Variants in APPL2 observed in about 807,000 individuals in gnomAD.
APPL2 encodes DCC-interacting protein 13-beta.
APPL2 carries 84 observed loss-of-function variants against 92.7 expected under a neutral mutation model. That is an observed-to-expected ratio of 0.91 (90% CI 0.76 to 1.09). The LOEUF (loss-of-function observed/expected upper bound fraction) is 1.09, where lower values mean the gene tolerates loss of function less well. APPL2 is among the 50% of genes least tolerant of loss of function. The pLI is 0.00. For synonymous variants in APPL2, 291 were observed against 291.0 expected, an observed-to-expected ratio of 1.00 and a Z score of 0.00; for missense variants, 736 against 824.5, an observed-to-expected ratio of 0.89 and a Z score of 1.31.
rs189049415 is a variant in APPL2, at chr12:105,184,897, G to A, written c.1634+3376C>T. On this transcript the variant is annotated intron_variant, in intron 17 of 20. Coordinates refer to ENST00000258530, the MANE Select transcript of APPL2 (RefSeq NM_018171.5). Reference sequence around the variant, plus strand: ...GGTGCTCTGTCCCAGGGAGATGGGAGTTTGATCTGTAAGCCCCTGACTGGG... The same window carrying A: ...GGTGCTCTGTCCCAGGGAGATGGGAATTTGATCTGTAAGCCCCTGACTGGG... Among the ~76,000 whole-genome samples, 906 of 132,866 alleles carry A rather than the reference G, an allele frequency of 6.8e-3. 19 individuals are homozygous for A. Among genetic ancestry groups the A allele is most frequent in the African/African-American group, 0.023 (856 of 37,572 alleles). 87.2% of individuals were successfully genotyped at this position (132,866 alleles called of 152,430 possible).
At chr12:105,187,497 C>T (rs149797706) in intron 17 of APPL2, among the ~76,000 whole-genome samples, 3,908 of 152,210 alleles carry the variant, frequency 0.026, 84 homozygotes, top group Non-Finnish European at 0.04. Context: ...TAAGAAATGC[C>T]GAAGCCAGGA....
intron 2 of APPL2, among the ~76,000 whole-genome samples, chr12:105,228,547 A>G (rs1261822823): frequency 6.6e-6 from 1 of 152,208 alleles, no homozygotes; most frequent in Non-Finnish European, 1.5e-5. Flanking sequence ...TTTTTAAGTA[A>G]CTCATAAATC....
At chr12:105,199,283 C>G in intron 10 of APPL2, 90 bp downstream of exon 10, 1 of 1,478,378 alleles carries the variant, frequency 6.8e-7, no homozygotes, top group Non-Finnish European at 9.2e-7. Flanking sequence ...CCACCTCCCT[C>G]TGACTTTAAT....
intron 1 of APPL2, among the ~76,000 whole-genome samples, chr12:105,231,461 G>C (rs1441031690): frequency 2.0e-5 from 3 of 152,186 alleles, no homozygotes; most frequent in Non-Finnish European, 2.9e-5. Context: ...TAGATTCCAT[G>C]GTTCCATTAA....
rs1335512208 is a variant in APPL2 at position 105,217,697 on chromosome 12, A to G, written c.182T>C (p.Leu61Pro). The change falls in exon 3 of 21, where the codon CTT (leucine) becomes CCT (proline). Residue 61 changes from leucine (L) to proline (P), a missense_variant. Coordinates refer to ENST00000258530, the MANE Select transcript of APPL2 (RefSeq NM_018171.5). The stretch of plus-strand genomic sequence containing the variant: ...TTCATATGCCAGCAGTTGCTTAGAA[A>G]GCTGTTGTGTGGCCAGGCACATCTC... The part of the protein sequence containing the change: ...QNEMCLATQQ[L>P]SKQLLAYEKQ... 6.2e-7 allele frequency: 1 copy of G among 1,613,926 alleles called. No homozygotes were observed. Among genetic ancestry groups the G allele is most frequent in the African/African-American group, 1.3e-5 (1 of 74,946 alleles).
In APPL2 at chr12:105,207,045, G is replaced by A. The variant is rs999279126; in HGVS notation, c.621+16C>T. The A allele has an allele frequency of 6.2e-7, 1 of 1,610,298 alleles. No homozygotes were observed. Among genetic ancestry groups the A allele is most frequent in the African/African-American group, 1.3e-5 (1 of 74,900 alleles). ...AGCTAGCTTAGGTTTCAGCCCTCAG[G>A]GAGGGACTCCCCTACCTGTCCATGG... On this transcript the variant is annotated intron_variant, in intron 8 of 20. Coordinates refer to ENST00000258530, the MANE Select transcript of APPL2 (RefSeq NM_018171.5).
chr12:105,199,494 G>C lies in APPL2; in HGVS notation c.742C>G (p.Arg248Gly), dbSNP rs766364894. ...GAAAGTAATTCTTGCTGGGACACCC[G>C]CATCTTTTCCGCCTCGGCTTCCAGT... is the stretch of plus-strand genomic sequence containing the variant. ...VELEAEAEKM[R>G]VSQQELLSVD... The change falls in exon 10 of 21, where the codon CGG becomes GGG. Residue 248 changes from arginine (R) to glycine (G), a missense_variant. Physicochemically the swap from Arg to Gly is moderately radical, Grantham distance 125. Coordinates refer to ENST00000258530, the MANE Select transcript of APPL2 (RefSeq NM_018171.5). 1.9e-6 allele frequency: 3 copies of C among 1,613,972 alleles called. No homozygotes were observed. The highest frequency in any genetic ancestry group is 2.5e-6 in the Non-Finnish European group (3 of 1,180,002).
chr12:105,188,810 C>T (rs2135936297), intron 16 of APPL2, among the ~76,000 whole-genome samples: 1 of 152,280 alleles, frequency 6.6e-6, no homozygotes, highest in South Asian at 2.1e-4. Flanking sequence ...CTTTGGCCCA[C>T]TGATAAAGTC....
At chr12:105,183,070 CTTTTTTTTTTTTTT>C (rs56345779) in intron 17 of APPL2, among the ~76,000 whole-genome samples, 2 of 88,398 alleles carry the variant, frequency 2.3e-5, no homozygotes, top group African/African-American at 9.1e-5. Flanking sequence ...GCAACCCCTG[CTTTTTTTTTTTTTT>C]TTTTTTTTGC....
At chr12:105,207,282 A>ATG (rs1259930317) in intron 7 of APPL2, 75 bp from the exon 8 acceptor site, 34 of 1,399,502 alleles carry the variant, frequency 2.4e-5, no homozygotes, top group Non-Finnish European at 3.2e-5. Flanking sequence ...GTGCTTCAAA[A>ATG]TGTGTGTTTA....
chr12:105,188,459 C>A lies in APPL2; in HGVS notation c.1460-12G>T, dbSNP rs770766801. 2 of 1,613,578 alleles carry A rather than the reference C, an allele frequency of 1.2e-6. No individual in the cohort carries two copies. The highest frequency in any genetic ancestry group is 1.7e-6 in the Non-Finnish European group (2 of 1,179,628). ...CTGCAAAAGAGAATCTGGAAGACAG[C>A]ATTTTCCACTCAGGATCTCATTTAC... On this transcript the variant is annotated splice_polypyrimidine_tract_variant and intron_variant, in intron 16 of 20. Transcript: ENST00000258530.
intron 9 of APPL2, among the ~76,000 whole-genome samples, chr12:105,200,179 A>G (rs1459247313): frequency 6.6e-6 from 1 of 152,148 alleles, no homozygotes; most frequent in African/African-American, 2.4e-5. Context: ...ATCCATGCTC[A>G]GCACCGTTGA....
At chr12:105,174,504 C>G in intron 20 of APPL2, 56 bp from the exon 21 acceptor site, 1 of 1,556,372 alleles carries the variant, frequency 6.4e-7, no homozygotes, top group Non-Finnish European at 8.7e-7. Flanking sequence ...TGCATTTAAA[C>G]CCCTTTGGCC....
chr12:105,231,178 G>C (rs1275964048), intron 1 of APPL2, among the ~76,000 whole-genome samples: 1 of 152,216 alleles, frequency 6.6e-6, no homozygotes, highest in Non-Finnish European at 1.5e-5. Context: ...AGAATGAGAA[G>C]TGATATAACT....
Position 105,188,369 on chromosome 12 carries a change from A to ATCACT in APPL2, c.1533_1537dup (p.Ile513LysfsTer2). 1 of 1,614,222 alleles carries ATCACT rather than the reference A, an allele frequency of 6.2e-7. No homozygotes were observed. Among genetic ancestry groups the ATCACT allele is most frequent in the Non-Finnish European group, 8.5e-7 (1 of 1,180,020 alleles). On this transcript the variant is annotated stop_gained and frameshift_variant, in exon 17 of 21. Transcript: ENST00000258530. LOFTEE classifies it high-confidence loss of function. ...CAATACTTGTCTCATCGCTTCATAA[A>ATCACT]TCACTTCAGTAGTGCTGTCTGTTTT...
At chr12:105,235,852 GCACTCCCGCGGCTGCCCGGC>G in intron 1 of APPL2, 87 bp downstream of exon 1, 1 of 895,552 alleles carries the variant, frequency 1.1e-6, no homozygotes. Flanking sequence ...GGGGCCGGGC[GCACTCCCGCGGCTGCCCGGC>G]CGGGGGCGCG....
At chr12:105,200,041 C>T (rs932990634) in intron 9 of APPL2, among the ~76,000 whole-genome samples, 4 of 148,708 alleles carry the variant, frequency 2.7e-5, no homozygotes, top group Admixed American at 6.7e-5. Flanking sequence ...TCACCGTGTT[C>T]GCCAGGACGG....
chr12:105,198,733 T>C (rs1887880737), intron 10 of APPL2, among the ~76,000 whole-genome samples: 1 of 152,202 alleles, frequency 6.6e-6, no homozygotes, highest in South Asian at 2.1e-4. Flanking sequence ...GATGACCACA[T>C]TCAATCTAAC....
intron 17 of APPL2, among the ~76,000 whole-genome samples, chr12:105,185,830 G>A (rs1886556695): frequency 6.6e-6 from 1 of 152,102 alleles, no homozygotes; most frequent in South Asian, 2.1e-4. Flanking sequence ...TTTATCATTA[G>A]TGATGTTAAG....
Sources: gnomAD v4.1 joint callset for allele counts (sites outside exome capture counted in the v4.1 genomes callset) on GRCh38, gnomAD v4.1.1 for gene constraint, MANE v1.5 for transcripts, NCBI Gene and HGNC (gene_info 2026-07-23, HGNC 2026-07-21) for gene names.